Variants in ZDHHC14 observed in about 807,000 individuals in gnomAD.
ZDHHC14 encodes zDHHC palmitoyltransferase 14, also known as palmitoyltransferase ZDHHC14.
Under a neutral mutation model 47.7 loss-of-function variants are expected in ZDHHC14, and 16 were observed. The observed-to-expected ratio is 0.34, with a 90% CI of 0.23 to 0.51. The LOEUF is 0.51. Ranked by LOEUF, ZDHHC14 falls within the 20% of genes least tolerant of loss-of-function variation. The probability of loss-of-function intolerance (pLI) is 0.97; values close to 1 mark genes in which losing one functional copy is unlikely to be tolerated. For synonymous variants in ZDHHC14, 293 were observed against 278.9 expected, an observed-to-expected ratio of 1.05 and a Z score of -0.50; for missense variants, 515 against 662.5, an observed-to-expected ratio of 0.78 and a Z score of 2.44.
At chr6:157,591,952 G>C (rs955507532) in intron 2 of ZDHHC14, among the ~76,000 whole-genome samples, 2 of 152,148 alleles carry the variant, frequency 1.3e-5, no homozygotes, top group Non-Finnish European at 2.9e-5. Context: ...AAGCTCTCAT[G>C]GAAGTTCTTG....
chr6:157,478,781 T>C (rs1423341874), intron 1 of ZDHHC14, among the ~76,000 whole-genome samples: 1 of 152,236 alleles, frequency 6.6e-6, no homozygotes, highest in Non-Finnish European at 1.5e-5. Flanking sequence ...CAGTAAATGT[T>C]CAGCCAGTGT....
At chr6:157,649,716 C>T (rs2114986947) in intron 7 of ZDHHC14, among the ~76,000 whole-genome samples, 1 of 152,340 alleles carries the variant, frequency 6.6e-6, no homozygotes, top group Middle Eastern at 3.4e-3. Context: ...AGTTCAGAGA[C>T]CCACATTCGG....
intron 7 of ZDHHC14, 46 bp downstream of exon 7, chr6:157,647,414 C>A (rs781270328): frequency 2.1e-5 from 32 of 1,504,540 alleles, no homozygotes; most frequent in Non-Finnish European, 2.7e-5. Flanking sequence ...CTTGGAAAAC[C>A]GAATGCCTCG....
chr6:157,542,810 C>A (rs2886421), intron 2 of ZDHHC14, 65 bp downstream of exon 2: 623,096 of 1,560,036 alleles, frequency 0.4, 125,988 homozygotes, highest in Admixed American at 0.48. Flanking sequence ...ACAGTGGGGA[C>A]GGCAGGCCGA....
intron 1 of ZDHHC14, among the ~76,000 whole-genome samples, chr6:157,458,877 G>A (rs1332081466): frequency 1.5e-4 from 8 of 53,458 alleles, no homozygotes; most frequent in Non-Finnish European, 2.2e-4. Flanking sequence ...TTTTTGAGAC[G>A]GAGTTTCGCT....
At chr6:157,406,529 G>A (rs1562413023) in intron 1 of ZDHHC14, among the ~76,000 whole-genome samples, 4 of 152,204 alleles carry the variant, frequency 2.6e-5, no homozygotes. Flanking sequence ...GTTAAGCCAG[G>A]GGTTCCCCAG....
intron 1 of ZDHHC14, among the ~76,000 whole-genome samples, chr6:157,506,565 A>G (rs1412283207): frequency 2.6e-5 from 4 of 151,330 alleles, no homozygotes; most frequent in African/African-American, 7.3e-5. Context: ...CTCTCCCTGA[A>G]CTATGCAAAC....
intron 1 of ZDHHC14, among the ~76,000 whole-genome samples, chr6:157,526,367 C>G (rs1781151104): frequency 6.6e-6 from 1 of 152,198 alleles, no homozygotes; most frequent in Non-Finnish European, 1.5e-5. Flanking sequence ...GGCGTCCACT[C>G]CCAGTGCCTG....
intron 1 of ZDHHC14, among the ~76,000 whole-genome samples, chr6:157,487,070 T>C (rs1326427737): frequency 2.6e-5 from 4 of 152,202 alleles, no homozygotes; most frequent in Admixed American, 6.5e-5. Context: ...AGAGCAAACT[T>C]TGAACTTGGG....
intron 1 of ZDHHC14, among the ~76,000 whole-genome samples, chr6:157,388,602 A>G (rs975738720): frequency 4.6e-5 from 7 of 152,222 alleles, no homozygotes; most frequent in African/African-American, 1.7e-4. Flanking sequence ...GTTCATTCAG[A>G]TAAGGGTTGG....
At chr6:157,423,892 A>G (rs1381321415) in intron 1 of ZDHHC14, among the ~76,000 whole-genome samples, 1 of 152,170 alleles carries the variant, frequency 6.6e-6, no homozygotes. Flanking sequence ...CCCCCAGGCG[A>G]TTCGTGTGCA....
chr6:157,548,520 C>T (rs1033384308), intron 2 of ZDHHC14, among the ~76,000 whole-genome samples: 3 of 152,204 alleles, frequency 2.0e-5, no homozygotes, highest in African/African-American at 7.2e-5. Flanking sequence ...GATCTCAGCT[C>T]ACCGCAACCT....
chr6:157,638,034 G>A (rs150623161), intron 5 of ZDHHC14, among the ~76,000 whole-genome samples: 243 of 152,272 alleles, frequency 1.6e-3, no homozygotes, highest in African/African-American at 5.1e-3. Flanking sequence ...AAGTAAGCCC[G>A]GACTGGGTGG....
chr6:157,587,610 G>A (rs1783744300), intron 2 of ZDHHC14, among the ~76,000 whole-genome samples: 1 of 152,218 alleles, frequency 6.6e-6, no homozygotes, highest in African/African-American at 2.4e-5. Context: ...CTCAGGAAGA[G>A]AGAAGTAGGA....
intron 3 of ZDHHC14, among the ~76,000 whole-genome samples, chr6:157,626,570 C>T (rs1785428995): frequency 6.6e-6 from 1 of 152,132 alleles, no homozygotes; most frequent in Admixed American, 6.5e-5. Flanking sequence ...CCAGAGAGTT[C>T]CCATCTCCCC....
In ZDHHC14 at chr6:157,631,098, T is replaced by C. The variant is rs532182529; in HGVS notation, c.704-1736T>C. ...CACACTCTAGCTACACCCACACTCA[T>C]ATATAGTCACCAATATGCTCACACT... On this transcript the variant is annotated intron_variant, in intron 4 of 8. Transcript: ENST00000359775. 7.9e-5 allele frequency: 12 copies of C among 152,342 alleles called. No individual in the cohort carries two copies. The East Asian group carries it at 1.4e-3, about 17-fold the overall frequency. The allele number at this position is 152,342 out of a possible 1,614,324, so 9.4% of individuals were successfully genotyped here. A position where few individuals can be genotyped will look rare whatever the true frequency, so the allele number is the denominator to read the frequency against.
In ZDHHC14 at chr6:157,582,386, C is replaced by G. The variant is rs1302549589; in HGVS notation, c.407-10602C>G. Reference sequence around the variant, plus strand: ...AGTGGCTGGTAATGGTCCTTCCTTTCCATATTTAGTGCTCTTTTCAGGACC... The same window carrying G: ...AGTGGCTGGTAATGGTCCTTCCTTTGCATATTTAGTGCTCTTTTCAGGACC... On this transcript the variant is annotated intron_variant, in intron 2 of 8. Coordinates refer to ENST00000359775, the MANE Select transcript of ZDHHC14 (RefSeq NM_024630.3). This position sits in a 1 kb window ranked among gnomAD's most constrained non-coding sequence, Gnocchi z 4.3. Among the ~76,000 whole-genome samples, 1 of 152,168 alleles carries G rather than the reference C, an allele frequency of 6.6e-6. No homozygotes were observed. Among genetic ancestry groups the G allele is most frequent in the Non-Finnish European group, 1.5e-5 (1 of 68,038 alleles).
intron 1 of ZDHHC14, among the ~76,000 whole-genome samples, chr6:157,506,963 G>A (rs1780341895): frequency 6.6e-6 from 1 of 151,530 alleles, no homozygotes. Context: ...AGGCCAAATT[G>A]TGCTAAAAGA....
intron 5 of ZDHHC14, among the ~76,000 whole-genome samples, chr6:157,635,007 C>A (rs1776902512): frequency 6.6e-6 from 1 of 150,968 alleles, no homozygotes; most frequent in African/African-American, 2.4e-5. Flanking sequence ...TTTTTTTTTC[C>A]CCCTGAAACG....
Sources: allele counts gnomAD v4.1 joint callset (sites outside exome capture counted in the v4.1 genomes callset), GRCh38; gene constraint gnomAD v4.1.1; non-coding constraint Gnocchi (gnomAD v3.1); transcripts MANE v1.5; gene names NCBI Gene and HGNC (gene_info 2026-07-23, HGNC 2026-07-21).